Variants in FREM2 observed in about 807,000 individuals in gnomAD.
FREM2 encodes FRAS1 related extracellular matrix 2, also known as FRAS1-related extracellular matrix protein 2.
FREM2 carries 119 observed loss-of-function variants against 219.9 expected under a neutral mutation model. That is an observed-to-expected ratio of 0.54 (90% CI 0.47 to 0.63). The LOEUF is 0.63. Among genes scored for constraint, FREM2 ranks in the 30% least tolerant of loss-of-function variants. FREM2 has a pLI of 0.00. For synonymous variants in FREM2, 1,562 were observed against 1,522.8 expected (o/e 1.03, Z -0.60); for missense variants, 4,030 against 3,993.6 (o/e 1.01, Z -0.25).
At chr13:38,791,104 A>T (rs893168317) in intron 6 of FREM2, among the ~76,000 whole-genome samples, 1 of 152,220 alleles carries the variant, frequency 6.6e-6, no homozygotes, top group Non-Finnish European at 1.5e-5. Flanking sequence ...CTAGTGACTG[A>T]GATTCAATGA....
At chr13:38,786,636 A>C (rs1874340499) in intron 6 of FREM2, among the ~76,000 whole-genome samples, 1 of 152,244 alleles carries the variant, frequency 6.6e-6, no homozygotes, top group Non-Finnish European at 1.5e-5. Flanking sequence ...TTTAATTTAA[A>C]AAAAGAAAAT....
intron 2 of FREM2, among the ~76,000 whole-genome samples, chr13:38,717,902 G>T (rs1484620849): frequency 1.3e-5 from 2 of 152,104 alleles, no homozygotes; most frequent in Non-Finnish European, 2.9e-5. Flanking sequence ...ATACTTGAAA[G>T]ACTATTACAG....
At position 38,688,231 on chromosome 13, in the gene FREM2, C is replaced by G; in HGVS notation, c.887C>G (p.Pro296Arg). Residue 296 changes from proline (P) to arginine (R), a missense_variant, in exon 1 of 24, where the codon CCT becomes CGT. Transcript: ENST00000280481. ...TCACGAGGGGCTCCTGTGGGCAGCC[C>G]TGCTTTGAAACGCGAGCACTTCCAG... ...LRSRGAPVGSPALKREHFQVL... is the reference protein window; with the variant it reads ...LRSRGAPVGSRALKREHFQVL... The G allele has an allele frequency of 1.2e-6, 2 of 1,613,776 alleles. No individual in the cohort carries two copies. Among genetic ancestry groups the G allele is most frequent in the Non-Finnish European group, 1.7e-6 (2 of 1,179,908 alleles).
At chr13:38,830,875 A>G (rs919734667) in intron 6 of FREM2, among the ~76,000 whole-genome samples, 6 of 152,160 alleles carry the variant, frequency 3.9e-5, no homozygotes, top group African/African-American at 1.2e-4. Context: ...CTCCCAGACT[A>G]GCAGCTGAAG....
chr13:38,768,101 A>C (rs1032506599), intron 3 of FREM2, among the ~76,000 whole-genome samples: 1 of 152,130 alleles, frequency 6.6e-6, no homozygotes, highest in Non-Finnish European at 1.5e-5. Flanking sequence ...TACTCAATGA[A>C]TATTTGTGGT....
chr13:38,826,464 C>T (rs1301291991), intron 6 of FREM2, among the ~76,000 whole-genome samples: 2 of 152,004 alleles, frequency 1.3e-5, no homozygotes, highest in African/African-American at 2.4e-5. Context: ...CAAGGATAAC[C>T]GAGGAAGAAG....
Position 38,859,419 on chromosome 13 carries a change from A to G in FREM2, c.7348A>G (p.Met2450Val), listed in dbSNP as rs747942915. 1.2e-6 allele frequency: 2 copies of G among 1,614,134 alleles called. No individual in the cohort carries two copies. The highest frequency in any genetic ancestry group is 2.2e-5 in the East Asian group (1 of 44,878). ...PAGPDGVTSP[M>V]REVDFDTFFT... The stretch of plus-strand genomic sequence containing the variant: ...GGGCCCTGACGGTGTGACCAGCCCT[A>G]TGAGAGAAGTGGACTTCGACACCTT... Residue 2450 changes from methionine to valine, a missense_variant, in exon 14 of 24, where the codon ATG becomes GTG. Physicochemically the swap from Met to Val is conservative, Grantham distance 21 (BLOSUM62 1). This residue lies in a region of FREM2 where 928 missense variants were observed against 1,042.9 expected (regional missense o/e 0.89). Coordinates refer to ENST00000280481, the MANE Select transcript of FREM2 (RefSeq NM_207361.6).
intron 2 of FREM2, among the ~76,000 whole-genome samples, chr13:38,742,981 T>C (rs1482499884): frequency 6.6e-6 from 1 of 152,206 alleles, no homozygotes; most frequent in Non-Finnish European, 1.5e-5. Flanking sequence ...CTGTTAGCAC[T>C]TTATGGGTCT....
rs1366282353 is a variant in FREM2, at chr13:38,716,515, C to CA, written c.5263+18728_5263+18729insA. On this transcript the variant is annotated intron_variant, in intron 2 of 23. Transcript: ENST00000280481. Reference sequence around the variant, plus strand: ...GCTCAGTAATCATCTCTGTTCTTTCCTTTTTTTTTCTTTTGGAGACAGAGT... The same window carrying CA: ...GCTCAGTAATCATCTCTGTTCTTTCCATTTTTTTTTCTTTTGGAGACAGAGT... Among the ~76,000 whole-genome samples the CA allele has an allele frequency of 7.9e-5, 12 of 151,272 alleles. No individual in the cohort carries two copies. In the East Asian group the frequency reaches 2.1e-3, roughly 27 times the overall value.
intron 2 of FREM2, among the ~76,000 whole-genome samples, chr13:38,743,163 A>C (rs1016675691): frequency 4.9e-4 from 75 of 152,142 alleles, no homozygotes; most frequent in Admixed American, 2.0e-4. Context: ...CCAAATATAC[A>C]CTTGAGATAT....
rs890666753 is a variant in FREM2, at chr13:38,878,742, A to G, written c.8860-89A>G. 3.2e-6 allele frequency: 4 copies of G among 1,256,540 alleles called. No individual in the cohort carries two copies. The Admixed American group carries it at 5.1e-5, about 16-fold the overall frequency. The allele number at this position is 1,256,540 out of a possible 1,614,324, so 77.8% of individuals were successfully genotyped here. On this transcript the variant is annotated intron_variant, in intron 22 of 23. Coordinates refer to ENST00000280481, the MANE Select transcript of FREM2 (RefSeq NM_207361.6). Reference sequence around the variant, plus strand: ...ATGGTGACATTTTATAGTAATTTGTACTTGCACAAAACAAATAGAGAAACA... The same window carrying G: ...ATGGTGACATTTTATAGTAATTTGTGCTTGCACAAAACAAATAGAGAAACA...
chr13:38,804,589 A>G (rs1344396031), intron 6 of FREM2, among the ~76,000 whole-genome samples: 1 of 152,182 alleles, frequency 6.6e-6, no homozygotes, highest in Admixed American at 6.6e-5. Flanking sequence ...CTAAACAAGA[A>G]TAATTTATTT....
chr13:38,749,597 G>T lies in FREM2; in HGVS notation c.5264-14707G>T, dbSNP rs1049185128. Among the ~76,000 whole-genome samples the T allele has an allele frequency of 2.6e-5, 4 of 152,034 alleles. No individual in the cohort carries two copies. In the East Asian group the frequency reaches 7.8e-4, roughly 29 times the overall value. On this transcript the variant is annotated intron_variant, in intron 2 of 23. Coordinates refer to ENST00000280481, the MANE Select transcript of FREM2 (RefSeq NM_207361.6). ...TGCTTTGTGTGTGTGTTGGGTGGGA[G>T]GGTCTGACTGTCCTGTGCCTTGTGG...
At chr13:38,803,801 T>C (rs1360393691) in intron 6 of FREM2, among the ~76,000 whole-genome samples, 3 of 150,276 alleles carry the variant, frequency 2.0e-5, no homozygotes, top group South Asian at 4.3e-4. Context: ...CTGTGGTAAA[T>C]GTAACTCAGT....
intron 7 of FREM2, among the ~76,000 whole-genome samples, chr13:38,848,058 T>A (rs1877229287): frequency 6.6e-6 from 1 of 152,220 alleles, no homozygotes. Flanking sequence ...CATAAATACT[T>A]AATTAATGTT....
Position 38,691,049 on chromosome 13 carries a change from T to C in FREM2, c.3705T>C (p.His1235=). Residue 1235 remains histidine, a synonymous_variant, in exon 1 of 24, where the codon CAT becomes CAC. Transcript: ENST00000280481. ...TCACTATTACCCAATTCCCCACTCA[T>C]GGTCACATCATGAATCAGCTGATAA... ...LTFTITQFPT[H]GHIMNQLING... The C allele has an allele frequency of 1.2e-6, 2 of 1,614,194 alleles. No homozygotes were observed. The highest frequency in any genetic ancestry group is 1.7e-6 in the Non-Finnish European group (2 of 1,180,026).
At chr13:38,825,987 T>C (rs1876267578) in intron 6 of FREM2, among the ~76,000 whole-genome samples, 1 of 152,186 alleles carries the variant, frequency 6.6e-6, no homozygotes, top group Non-Finnish European at 1.5e-5. Flanking sequence ...AGAAGTCATA[T>C]AAAAATCATA....
At chr13:38,787,671 T>A (rs997206856) in intron 6 of FREM2, among the ~76,000 whole-genome samples, 1 of 151,728 alleles carries the variant, frequency 6.6e-6, no homozygotes, top group African/African-American at 2.4e-5. Context: ...CTATAAAGAT[T>A]AAAGTTATTT....
chr13:38,694,185 C>G (rs1012247164), intron 1 of FREM2, among the ~76,000 whole-genome samples: 1 of 152,146 alleles, frequency 6.6e-6, no homozygotes, highest in African/African-American at 2.4e-5. Flanking sequence ...AAAAATTATG[C>G]TATTTCATTA....
Sources: gnomAD v4.1 joint callset for allele counts (sites outside exome capture counted in the v4.1 genomes callset) on GRCh38, gnomAD v4.1.1 for gene constraint, gnomAD v4.1.1 regional missense constraint, MANE v1.5 for transcripts, NCBI Gene and HGNC (gene_info 2026-07-23, HGNC 2026-07-21) for gene names.